The following MIER1 variants were observed in gnomAD, a reference collection of about 807,000 sequenced individuals.
MIER1 encodes MIER1 transcriptional regulator.
MIER1 carries 40 observed loss-of-function variants against 75.7 expected under a neutral mutation model. The observed-to-expected ratio is 0.53, with a 90% CI of 0.41 to 0.69. The LOEUF is 0.69. MIER1 is among the 30% of genes least tolerant of loss of function. MIER1 has a pLI of 0.00. For synonymous variants in MIER1, 213 were observed against 223.4 expected (o/e 0.95, Z 0.42); for missense variants, 574 against 680.2 (o/e 0.84, Z 1.74).
intron 5 of MIER1, 126 bp downstream of exon 5, chr1:66,958,346 T>C (rs1046981838): frequency 6.3e-6 from 4 of 630,474 alleles, no homozygotes; most frequent in Non-Finnish European, 9.8e-6. Context: ...AAAATTAAGA[T>C]ATTACAGAAA....
Position 66,926,196 on chromosome 1 carries a change from G to A in MIER1, c.122G>A (p.Arg41Lys). Residue 41 changes from arginine (R) to lysine (K), a missense_variant, in exon 2 of 14, where the codon AGA becomes AAA. This residue lies in a region of MIER1 where 309 missense variants were observed against 352.8 expected (regional missense o/e 0.88). Transcript: ENST00000401041. ...CTGGCTGAGTTTCGGACGTGGTTAA[G>A]AACCAACTGGTTGAGGTTCAATGCA... ...QCLAEFRTWL[R>K]TNWLRFNADK... The A allele has an allele frequency of 6.2e-7, 1 of 1,613,930 alleles. No homozygotes were observed. The highest frequency in any genetic ancestry group is 8.5e-7 in the Non-Finnish European group (1 of 1,179,852).
intron 12 of MIER1, among the ~76,000 whole-genome samples, chr1:66,979,064 T>C (rs2102018215): frequency 6.6e-6 from 1 of 152,320 alleles, no homozygotes; most frequent in East Asian, 1.9e-4. Context: ...AATACCATGG[T>C]TTTGTAGGCT....
intron 4 of MIER1, among the ~76,000 whole-genome samples, chr1:66,949,013 G>C (rs1160669556): frequency 6.6e-6 from 1 of 152,170 alleles, no homozygotes; most frequent in Non-Finnish European, 1.5e-5. Context: ...TTCAAAAACA[G>C]TTATAAGGGA....
chr1:66,966,474 T>G (rs1446300301), intron 8 of MIER1, among the ~76,000 whole-genome samples: 1 of 152,186 alleles, frequency 6.6e-6, no homozygotes, highest in African/African-American at 2.4e-5. Flanking sequence ...TTTGCTATTG[T>G]GAGTAGTGCC....
intron 2 of MIER1, among the ~76,000 whole-genome samples, chr1:66,926,782 G>T (rs1425038235): frequency 6.6e-6 from 1 of 152,212 alleles, no homozygotes; most frequent in South Asian, 2.1e-4. Context: ...GTTAGATATA[G>T]AATTTTTTAG....
At chr1:66,949,166 TAATAA>T (rs1658344337) in intron 4 of MIER1, among the ~76,000 whole-genome samples, 1 of 152,208 alleles carries the variant, frequency 6.6e-6, no homozygotes, top group Non-Finnish European at 1.5e-5. Context: ...AAAGGTACAG[TAATAA>T]AATCTTGTAT....
At chr1:66,930,307 G>A in intron 2 of MIER1, 1 of 1,577,408 alleles carries the variant, frequency 6.3e-7, no homozygotes, top group Non-Finnish European at 8.6e-7. Flanking sequence ...AGCGGCCGGA[G>A]TCCCGTTGCT....
In MIER1 at chr1:66,985,755, G is replaced by T. The variant is rs760707009; in HGVS notation, c.*855G>T. The T allele has an allele frequency of 1.0e-4, 101 of 965,020 alleles. No individual in the cohort carries two copies. Among genetic ancestry groups the T allele is most frequent in the Non-Finnish European group, 1.2e-4 (94 of 814,208 alleles). 59.8% of individuals were successfully genotyped at this position (965,020 alleles called of 1,614,324 possible). ...TTCTAATGAATTTTTAAGTGTTTGT[G>T]TAGTAATTAAGTCATATTTCTTATC... On this transcript the variant is annotated 3_prime_UTR_variant, in exon 14 of 14. Coordinates refer to ENST00000401041, the MANE Select transcript of MIER1 (RefSeq NM_001077700.3).
At chr1:66,964,300 C>T (rs1454009593) in intron 8 of MIER1, among the ~76,000 whole-genome samples, 1 of 151,612 alleles carries the variant, frequency 6.6e-6, no homozygotes, top group Non-Finnish European at 1.5e-5. Context: ...GTCTTAAACT[C>T]CTCACCTCGT....
intron 2 of MIER1, among the ~76,000 whole-genome samples, chr1:66,933,342 T>C (rs1653908832): frequency 6.6e-6 from 1 of 152,212 alleles, no homozygotes; most frequent in South Asian, 2.1e-4. Context: ...TAAGGGACTT[T>C]CTTCTCAAGG....
At chr1:66,970,720 G>A (rs1002662361) in intron 8 of MIER1, 88 bp from the exon 9 acceptor site, 1 of 993,380 alleles carries the variant, frequency 1.0e-6, no homozygotes, top group Non-Finnish European at 1.4e-6. Context: ...TCAACATTTG[G>A]CTCTGAGTTG....
intron 3 of MIER1, among the ~76,000 whole-genome samples, chr1:66,945,305 A>G (rs929831708): frequency 7.0e-6 from 1 of 142,756 alleles, no homozygotes. Flanking sequence ...ATATATATAT[A>G]TATATATATA....
chr1:66,957,587 G>GTTTTTTTTTTT (rs770503779), intron 4 of MIER1, among the ~76,000 whole-genome samples: 182 of 99,092 alleles, frequency 1.8e-3, no homozygotes, highest in Middle Eastern at 6.1e-3. Flanking sequence ...GTTTGTTTGT[G>GTTTTTTTTTTT]TTTTTTTTTT....
Position 66,980,418 on chromosome 1 carries a change from C to T in MIER1, c.1230-1361C>T, listed in dbSNP as rs75893756. On this transcript the variant is annotated intron_variant, in intron 12 of 13. Coordinates refer to ENST00000401041, the MANE Select transcript of MIER1 (RefSeq NM_001077700.3). ...TTCTGAGATATGTATTAGTTTTATA[C>T]CTCAGACTATTAGAAGTTTCTTGAA... Among the ~76,000 whole-genome samples, 380 of 152,270 alleles carry T rather than the reference C, an allele frequency of 2.5e-3. 3 individuals carry two copies. The highest frequency in any genetic ancestry group is 8.2e-3 in the African/African-American group (342 of 41,542).
chr1:66,937,065 G>T (rs1211538458), intron 2 of MIER1, among the ~76,000 whole-genome samples: 3 of 150,624 alleles, frequency 2.0e-5, no homozygotes, highest in Non-Finnish European at 3.0e-5. Context: ...GAAGTGAAGA[G>T]TGGAAAATTT....
At chr1:66,931,881 A>C (rs1469919015) in intron 2 of MIER1, among the ~76,000 whole-genome samples, 2 of 152,204 alleles carry the variant, frequency 1.3e-5, no homozygotes, top group Non-Finnish European at 2.9e-5. Context: ...CTTTCAGTGA[A>C]TATCGGGTAA....
chr1:66,945,267 GTATATATATATATATATATATA>G (rs66525570), intron 3 of MIER1, among the ~76,000 whole-genome samples: 4,830 of 141,894 alleles, frequency 0.034, 256 homozygotes, highest in African/African-American at 0.11. Context: ...TCTGGTGTGT[GTATATATATATATATATATATA>G]TATATATATA....
intron 8 of MIER1, 107 bp from the exon 9 acceptor site, chr1:66,970,701 C>T (rs2101870784): frequency 2.6e-6 from 2 of 761,432 alleles, no homozygotes; most frequent in East Asian, 3.1e-5. Flanking sequence ...CCACACTGTA[C>T]CTCAGTTCTC....
chr1:66,961,989 A>G lies in MIER1; in HGVS notation c.700-1099A>G, dbSNP rs186170814. On this transcript the variant is annotated intron_variant, in intron 7 of 13. Transcript: ENST00000401041. ...CTCACATCAGTGAGGTAACAATAGC[A>G]GGAGAGAGACTTTCCAAATCCTAAG... 2.0e-4 allele frequency among the ~76,000 whole-genome samples: 31 copies of G among 152,342 alleles called. No individual in the cohort carries two copies. The East Asian group carries it at 3.7e-3, about 18-fold the overall frequency.
Sources: allele counts gnomAD v4.1 joint callset (sites outside exome capture counted in the v4.1 genomes callset), GRCh38; gene constraint gnomAD v4.1.1; regional missense constraint gnomAD v4.1.1; transcripts MANE v1.5; gene names NCBI Gene and HGNC (gene_info 2026-07-23, HGNC 2026-07-21).